The following AKR1B15 variants were observed in gnomAD, a reference collection of about 807,000 sequenced individuals.
AKR1B15 encodes the protein aldo-keto reductase family 1 member B15.
Under a neutral mutation model 38.5 loss-of-function variants are expected in AKR1B15, and 49 were observed. That is an observed-to-expected ratio of 1.27 (90% confidence interval 1.01 to 1.62). The LOEUF is 1.62. AKR1B15 is among the 40% of genes most tolerant of loss of function. The probability of loss-of-function intolerance (pLI) is 0.00; values close to 1 mark genes in which losing one functional copy is unlikely to be tolerated. For missense variants in AKR1B15, 411 were observed against 381.6 expected (o/e 1.08, Z -0.64); for synonymous variants, 137 against 135.5 (o/e 1.01, Z -0.08).
intron 2 of AKR1B15, among the ~76,000 whole-genome samples, chr7:134,557,468 C>T (rs746068822): frequency 1.3e-4 from 20 of 152,016 alleles, no homozygotes; most frequent in Non-Finnish European, 2.8e-4. Context: ...AGCCCCTTGT[C>T]CCCCTCCCTT....
intron 2 of AKR1B15, among the ~76,000 whole-genome samples, chr7:134,557,133 A>T (rs1461380941): frequency 6.6e-6 from 1 of 152,166 alleles, no homozygotes; most frequent in Non-Finnish European, 1.5e-5. Context: ...TGGAGTACCA[A>T]AGTACCAAAG....
At chr7:134,572,375 T>A (rs909814896) in intron 6 of AKR1B15, among the ~76,000 whole-genome samples, 7 of 152,114 alleles carry the variant, frequency 4.6e-5, no homozygotes, top group Non-Finnish European at 1.0e-4. Flanking sequence ...AACTTTGTAA[T>A]CCCAGCACTT....
At chr7:134,574,713 T>C (rs2117668271) in intron 6 of AKR1B15, among the ~76,000 whole-genome samples, 1 of 152,352 alleles carries the variant, frequency 6.6e-6, no homozygotes, top group Non-Finnish European at 1.5e-5. Context: ...TGGGCAAGTT[T>C]GGAAAATGCC....
rs796667736 is a variant in AKR1B15, at chr7:134,573,637, T to C, written c.514-1783T>C. 4 of 764,280 alleles carry C rather than the reference T, an allele frequency of 5.2e-6. No individual in the cohort carries two copies. In the African/African-American group the frequency reaches 7.6e-5, roughly 15 times the overall value. 47.3% of individuals were successfully genotyped at this position (764,280 alleles called of 1,614,324 possible). The stretch of plus-strand genomic sequence containing the variant: ...AGGAAAAAAGTATAAAGAAGTCAAG[T>C]TTTAATACGGGAAAACTAACCTGAC... On this transcript the variant is annotated intron_variant, in intron 6 of 11. Coordinates refer to ENST00000457545, the MANE Select transcript of AKR1B15 (RefSeq NM_001080538.3).
chr7:134,564,790 T>C, intron 3 of AKR1B15, 21 bp downstream of exon 3: 1 of 646,124 alleles, frequency 1.5e-6, no homozygotes. Context: ...AGAGAGGTCA[T>C]CACCCAATTC....
At chr7:134,574,578 A>T (rs1431857570) in intron 6 of AKR1B15, among the ~76,000 whole-genome samples, 1 of 152,222 alleles carries the variant, frequency 6.6e-6, no homozygotes, top group Non-Finnish European at 1.5e-5. Context: ...TAAGAATCCC[A>T]GAAGAAGGAA....
intron 1 of AKR1B15, among the ~76,000 whole-genome samples, chr7:134,554,610 G>T (rs796107122): frequency 6.6e-6 from 1 of 152,182 alleles, no homozygotes; most frequent in South Asian, 2.1e-4. Flanking sequence ...CCTAAGCCCA[G>T]CCCAGGCCAC....
intron 3 of AKR1B15, among the ~76,000 whole-genome samples, chr7:134,566,382 G>T (rs1229817748): frequency 6.6e-6 from 1 of 152,156 alleles, no homozygotes; most frequent in Non-Finnish European, 1.5e-5. Context: ...AGTTCCCTAG[G>T]TGGTTCCTGT....
At position 134,550,941 on chromosome 7, in the gene AKR1B15, C is replaced by T. The variant is rs138960503; in HGVS notation, c.-147+1692C>T. On this transcript the variant is annotated intron_variant, in intron 1 of 11. Coordinates refer to ENST00000457545, the MANE Select transcript of AKR1B15 (RefSeq NM_001080538.3). ...GGGTCGTTGTTGGAACTCCCGGTCA[C>T]CCCGATCAGTTTCCCTACATTGATC... is the stretch of plus-strand genomic sequence containing the variant. Among the ~76,000 whole-genome samples, 21 of 152,276 alleles carry T rather than the reference C, an allele frequency of 1.4e-4. 1 individual carries two copies. In the East Asian group the frequency reaches 4.1e-3, roughly 29 times the overall value.
At chr7:134,577,969 G>T (rs1326094375) in intron 11 of AKR1B15, among the ~76,000 whole-genome samples, 183 bp downstream of exon 11, 1 of 152,178 alleles carries the variant, frequency 6.6e-6, no homozygotes, top group Non-Finnish European at 1.5e-5. Context: ...TCTAATTGCT[G>T]CTTATTGTCT....
At chr7:134,562,891 C>CTTTCT (rs1562947138) in intron 2 of AKR1B15, among the ~76,000 whole-genome samples, 6 of 61,126 alleles carry the variant, frequency 9.8e-5, no homozygotes, top group Admixed American at 4.8e-4. Flanking sequence ...TCTTTCTTTC[C>CTTTCT]TTCTTTCTTC....
chr7:134,554,408 G>A (rs1363392651), intron 1 of AKR1B15, among the ~76,000 whole-genome samples: 1 of 152,130 alleles, frequency 6.6e-6, no homozygotes, highest in African/African-American at 2.4e-5. Context: ...AATTCTTCCT[G>A]ATTCCAGAAT....
At chr7:134,576,064 G>A in intron 8 of AKR1B15, 137 bp downstream of exon 8, 1 of 1,431,672 alleles carries the variant, frequency 7.0e-7, no homozygotes, top group Non-Finnish European at 9.3e-7. Context: ...ACACACAAAT[G>A]GGATGGCAGT....
At chr7:134,550,781 G>A (rs2117584880) in intron 1 of AKR1B15, among the ~76,000 whole-genome samples, 2 of 152,254 alleles carry the variant, frequency 1.3e-5, no homozygotes, top group Middle Eastern at 6.8e-3. Flanking sequence ...TTCTCTCTAG[G>A]CTTCTCAGAT....
intron 2 of AKR1B15, among the ~76,000 whole-genome samples, chr7:134,561,473 C>T (rs1794389683): frequency 6.6e-6 from 1 of 152,220 alleles, no homozygotes; most frequent in South Asian, 2.1e-4. Flanking sequence ...TCCCAAAATG[C>T]TGGGATTACA....
chr7:134,565,891 G>A (rs1439613272), intron 3 of AKR1B15, among the ~76,000 whole-genome samples: 1 of 152,096 alleles, frequency 6.6e-6, no homozygotes, highest in Non-Finnish European at 1.5e-5. Context: ...TTTGTTGTGG[G>A]CTGGGTGGTT....
chr7:134,567,351 G>A lies in AKR1B15; in HGVS notation c.151-807G>A, dbSNP rs144650733. Among the ~76,000 whole-genome samples, 44 of 149,538 alleles carry A rather than the reference G, an allele frequency of 2.9e-4. 1 individual carries two copies. The highest frequency in any genetic ancestry group is 3.4e-3 in the Middle Eastern group (1 of 294). On this transcript the variant is annotated intron_variant, in intron 3 of 11. Coordinates refer to ENST00000457545, the MANE Select transcript of AKR1B15 (RefSeq NM_001080538.3). ...TCCCTTCTTTCTCTCCCTCTCTCTC[G>A]TTCTCCCTACCTCGCTCTTTCTTTT...
chr7:134,549,673 G>A (rs1003715839), intron 1 of AKR1B15, among the ~76,000 whole-genome samples: 5 of 152,148 alleles, frequency 3.3e-5, no homozygotes, highest in Admixed American at 1.3e-4. Flanking sequence ...GCCAAGAGGA[G>A]CCTAAGTCCC....
chr7:134,571,565 G>C, intron 5 of AKR1B15, 39 bp from the exon 6 acceptor site: 2 of 1,515,296 alleles, frequency 1.3e-6, no homozygotes, highest in Non-Finnish European at 1.8e-6. Context: ...CAAGTGTCCT[G>C]ATGCAGATTC....
Sources: gnomAD v4.1 joint callset for allele counts (sites outside exome capture counted in the v4.1 genomes callset) on GRCh38, gnomAD v4.1.1 for gene constraint, MANE v1.5 for transcripts, NCBI Gene and HGNC (gene_info 2026-07-23, HGNC 2026-07-21) for gene names.